Variants in PRKG1 observed in about 807,000 individuals in gnomAD.
PRKG1 encodes the protein protein kinase cGMP-dependent 1.
Under a neutral mutation model 88.1 loss-of-function variants are expected in PRKG1, and 35 were observed. The ratio of observed to expected loss-of-function variants is 0.40; its 90% CI spans 0.30 to 0.53. The LOEUF (loss-of-function observed/expected upper bound fraction) is 0.53, where lower values mean the gene tolerates loss of function less well. PRKG1 is among the 20% of genes least tolerant of loss of function. The pLI is 0.59. For missense variants in PRKG1, 540 were observed against 839.8 expected, an observed-to-expected ratio of 0.64 and a Z score of 4.41; for synonymous variants, 303 against 292.5, an observed-to-expected ratio of 1.04 and a Z score of -0.37.
intron 3 of PRKG1, among the ~76,000 whole-genome samples, chr10:51,793,676 C>G (rs756975132): frequency 6.6e-6 from 1 of 152,102 alleles, no homozygotes; most frequent in Admixed American, 6.6e-5. Flanking sequence ...TCCAATATGC[C>G]TAGCAGCAGA....
chr10:51,587,248 A>G (rs755005140), intron 3 of PRKG1, among the ~76,000 whole-genome samples: 12 of 152,180 alleles, frequency 7.9e-5, no homozygotes, highest in Admixed American at 5.9e-4. Context: ...TAATATTAAT[A>G]GTAGTAATAA....
intron 3 of PRKG1, among the ~76,000 whole-genome samples, chr10:51,570,700 A>G (rs1837730281): frequency 6.6e-6 from 1 of 151,950 alleles, no homozygotes; most frequent in African/African-American, 2.4e-5. Flanking sequence ...ATTTTTGAAA[A>G]AAAAAATCCC....
intron 5 of PRKG1, among the ~76,000 whole-genome samples, chr10:52,052,814 A>G (rs1392884646): frequency 6.6e-6 from 1 of 152,064 alleles, no homozygotes; most frequent in East Asian, 1.9e-4. Flanking sequence ...TGAAAGCTAC[A>G]ATTTAAGATG....
chr10:51,384,653 G>A (rs1837201260), intron 2 of PRKG1, among the ~76,000 whole-genome samples: 1 of 151,908 alleles, frequency 6.6e-6, no homozygotes, highest in East Asian at 1.9e-4. Context: ...TTCTTCCCCT[G>A]GTCCTCTCCT....
intron 3 of PRKG1, among the ~76,000 whole-genome samples, chr10:51,540,181 A>G (rs1456605321): frequency 2.0e-5 from 3 of 152,214 alleles, no homozygotes; most frequent in African/African-American, 7.2e-5. Context: ...TCTGGAAGTA[A>G]GCTATAATCA....
chr10:52,026,065 G>A (rs573658947), intron 5 of PRKG1, among the ~76,000 whole-genome samples: 3 of 151,942 alleles, frequency 2.0e-5, no homozygotes, highest in African/African-American at 4.8e-5. Context: ...CAAGCAATGG[G>A]GACAGGATTC....
chr10:51,019,687 T>A (rs568611659), intron 1 of PRKG1, among the ~76,000 whole-genome samples: 10 of 151,592 alleles, frequency 6.6e-5, no homozygotes, highest in African/African-American at 2.4e-4. Context: ...CAAAAGACAA[T>A]ATCAACAAAG....
At chr10:51,699,142 G>A (rs1229896203) in intron 3 of PRKG1, 2 of 1,614,176 alleles carry the variant, frequency 1.2e-6, no homozygotes, top group East Asian at 2.2e-5. Context: ...TCTGCTCCGG[G>A]GGGAGACTGG....
At chr10:52,118,592 G>A (rs759283053) in intron 7 of PRKG1, among the ~76,000 whole-genome samples, 3 of 151,928 alleles carry the variant, frequency 2.0e-5, no homozygotes, top group African/African-American at 4.8e-5. Context: ...TAATTCAAAT[G>A]CCATGTTTGC....
intron 9 of PRKG1, among the ~76,000 whole-genome samples, chr10:52,171,871 C>T (rs1326532039): frequency 3.7e-5 from 5 of 136,494 alleles, no homozygotes; most frequent in Admixed American, 7.8e-5. Context: ...GGCGCAATCT[C>T]GGCTCACTGC....
At chr10:52,180,061 A>G (rs1226100068) in intron 9 of PRKG1, among the ~76,000 whole-genome samples, 5 of 152,160 alleles carry the variant, frequency 3.3e-5, no homozygotes. Context: ...TGTTAGCTTA[A>G]TGGTCCCTCA....
chr10:52,244,822 T>TTAGATATATTTAAATATATC, intron 9 of PRKG1, among the ~76,000 whole-genome samples: 1 of 81,182 alleles, frequency 1.2e-5, no homozygotes, highest in East Asian at 2.9e-4. Flanking sequence ...TTAAATATAT[T>TTAGATATATTTAAATATATC]TAAATATACT....
chr10:51,338,197 C>T (rs1222917227), intron 2 of PRKG1, among the ~76,000 whole-genome samples: 1 of 152,160 alleles, frequency 6.6e-6, no homozygotes, highest in African/African-American at 2.4e-5. Context: ...GAACAACACA[C>T]ACTGGGGCCT....
chr10:51,813,662 T>G (rs547065896), intron 4 of PRKG1, among the ~76,000 whole-genome samples: 3 of 152,300 alleles, frequency 2.0e-5, no homozygotes, highest in Admixed American at 1.3e-4. Context: ...AACTCCACCC[T>G]ATACTGCCTC....
intron 1 of PRKG1, among the ~76,000 whole-genome samples, chr10:51,042,797 G>A (rs956296624): frequency 6.6e-6 from 1 of 152,156 alleles, no homozygotes; most frequent in African/African-American, 2.4e-5. Flanking sequence ...AACTCCCAAT[G>A]TGATGGTATT....
At chr10:50,999,334 A>G (rs1457419854) in intron 1 of PRKG1, among the ~76,000 whole-genome samples, 1 of 152,204 alleles carries the variant, frequency 6.6e-6, no homozygotes, top group Non-Finnish European at 1.5e-5. Flanking sequence ...TGCTGATTTC[A>G]TCTGAGTGTT....
At chr10:51,725,861 A>G (rs1359233977) in intron 3 of PRKG1, among the ~76,000 whole-genome samples, 2 of 151,512 alleles carry the variant, frequency 1.3e-5, no homozygotes, top group African/African-American at 4.9e-5. Flanking sequence ...CTGGTCTTGA[A>G]CTCCTGACTT....
At chr10:51,219,394 A>G (rs564296998) in intron 2 of PRKG1, among the ~76,000 whole-genome samples, 4 of 152,216 alleles carry the variant, frequency 2.6e-5, no homozygotes, top group South Asian at 4.2e-4. Context: ...TAATCTAGGT[A>G]CACAGTGGGA....
chr10:52,190,762 C>T (rs931175075), intron 9 of PRKG1, among the ~76,000 whole-genome samples: 2 of 152,058 alleles, frequency 1.3e-5, no homozygotes, highest in Admixed American at 1.3e-4. Flanking sequence ...TGAAAATTGT[C>T]AAGCAGAGAA....
Sources: gnomAD v4.1 joint callset for allele counts (sites outside exome capture counted in the v4.1 genomes callset) on GRCh38, gnomAD v4.1.1 for gene constraint, MANE v1.5 for transcripts, NCBI Gene and HGNC (gene_info 2026-07-23, HGNC 2026-07-21) for gene names.